Variants in PLA2G2C observed in about 807,000 individuals in gnomAD.
PLA2G2C encodes phospholipase A2 group IIC, also known as putative inactive group IIC secretory phospholipase A2.
A neutral mutation model predicts 14.3 loss-of-function variants in PLA2G2C; 15 were observed. The ratio of observed to expected loss-of-function variants is 1.05; its 90% CI spans 0.70 to 1.62. PLA2G2C has a LOEUF of 1.62. Among genes scored for constraint, PLA2G2C ranks in the 40% most tolerant of loss-of-function variants. The probability of loss-of-function intolerance (pLI) is 0.00; values close to 1 mark genes in which losing one functional copy is unlikely to be tolerated. For missense variants in PLA2G2C, 162 were observed against 173.2 expected (o/e 0.94, Z 0.36); for synonymous variants, 79 against 67.7 (o/e 1.17, Z -0.82).
intron 4 of PLA2G2C, among the ~76,000 whole-genome samples, chr1:20,169,095 T>TG (rs2018027055): frequency 6.6e-6 from 1 of 152,166 alleles, no homozygotes; most frequent in South Asian, 2.1e-4. Flanking sequence ...TCAGAACTCA[T>TG]GGGAGGCTAG....
In PLA2G2C at chr1:20,163,833, C is replaced by A; in HGVS notation, c.*158G>T. 1.2e-6 allele frequency: 1 copy of A among 800,612 alleles called. No homozygotes were observed. The highest frequency in any genetic ancestry group is 1.9e-6 in the Non-Finnish European group (1 of 525,476). 49.6% of individuals were successfully genotyped at this position (800,612 alleles called of 1,614,324 possible). A position where few individuals can be genotyped will look rare whatever the true frequency, so the allele number is the denominator to read the frequency against. On this transcript the variant is annotated 3_prime_UTR_variant, in exon 5 of 5. Transcript: ENST00000679259. ...CTGATGCTGAACGACAGGGAGTCCC[C>A]TTGGTCAGAATGCTGAAGGGTGAGC...
chr1:20,186,048 C>T (rs1417796304), intron 1 of PLA2G2C: 1 of 151,558 alleles, frequency 6.6e-6, no homozygotes, highest in Non-Finnish European at 1.5e-5. Flanking sequence ...TCCGGTCACG[C>T]CGGAAGCACG....
intron 1 of PLA2G2C, among the ~76,000 whole-genome samples, chr1:20,179,521 C>CTGTGTGTG (rs35039220): frequency 8.8e-5 from 12 of 136,514 alleles, no homozygotes; most frequent in African/African-American, 3.1e-4. Context: ...ATGTCAGTTT[C>CTGTGTGTG]TGTGTGTGTG....
chr1:20,164,775 G>A (rs528696071), intron 4 of PLA2G2C, among the ~76,000 whole-genome samples: 21 of 152,318 alleles, frequency 1.4e-4, no homozygotes, highest in African/African-American at 4.6e-4. Context: ...ACTAGGAGCC[G>A]ACCTCGCTGC....
At chr1:20,173,555 T>G (rs2018127137) in intron 3 of PLA2G2C, among the ~76,000 whole-genome samples, 1 of 152,200 alleles carries the variant, frequency 6.6e-6, no homozygotes, top group Non-Finnish European at 1.5e-5. Context: ...CACTTTTTAC[T>G]GAGCACCTAC....
intron 4 of PLA2G2C, among the ~76,000 whole-genome samples, chr1:20,169,665 G>A (rs1188319261): frequency 6.6e-6 from 1 of 152,236 alleles, no homozygotes; most frequent in Non-Finnish European, 1.5e-5. Flanking sequence ...AGCACCTACT[G>A]TAGGCCAGCC....
intron 1 of PLA2G2C, among the ~76,000 whole-genome samples, chr1:20,182,052 G>A (rs188092623): frequency 1.1e-3 from 171 of 152,312 alleles, no homozygotes; most frequent in African/African-American, 4.0e-3. Context: ...TCCTGAAGGT[G>A]AAAATACTTG....
At position 20,163,260 on chromosome 1, in the gene PLA2G2C, C is replaced by T. The variant is rs1463318051; in HGVS notation, c.*731G>A. 3.9e-5 allele frequency: 6 copies of T among 152,264 alleles called. No homozygotes were observed. Among genetic ancestry groups the T allele is most frequent in the African/African-American group, 1.4e-4 (6 of 41,446 alleles). 9.4% of individuals were successfully genotyped at this position (152,264 alleles called of 1,614,324 possible). ...AGGTGGGCTCTCATCCTCCAGCAGG[C>T]TAGCCCAGGCTTTTTTGCAGGGTGG... On this transcript the variant is annotated 3_prime_UTR_variant, in exon 5 of 5. Transcript: ENST00000679259.
chr1:20,186,254 G>C (rs1233081669), intron 1 of PLA2G2C, 106 bp downstream of exon 1: 1 of 152,270 alleles, frequency 6.6e-6, no homozygotes, highest in Non-Finnish European at 1.5e-5. Flanking sequence ...CATCACCCGG[G>C]AGGGCCTCCC....
chr1:20,172,055 G>A (rs1337529139), intron 4 of PLA2G2C, among the ~76,000 whole-genome samples: 2 of 151,934 alleles, frequency 1.3e-5, no homozygotes, highest in Admixed American at 6.6e-5. Context: ...GAGCCACCGC[G>A]CCCGGCCAAG....
Position 20,177,327 on chromosome 1 carries a change from A to T in PLA2G2C, c.37T>A (p.Cys13Ser), listed in dbSNP as rs1268579720. ...ACCCACCAAGCTCTCTACTTACAGC[A>T]GAAGAGGAGGAGGGTGAGGATGGCA... ...VIAILTLLLF[C>S]SPTHSSFWQF... The change falls in exon 2 of 5, where the codon TGC becomes AGC. Residue 13 changes from cysteine to serine, a missense_variant. By Grantham distance (112) the Cys-to-Ser change is moderately radical (BLOSUM62 -1). Coordinates refer to ENST00000679259, the MANE Select transcript of PLA2G2C (RefSeq NM_001367969.2). 1 of 700,880 alleles carries T rather than the reference A, an allele frequency of 1.4e-6. No individual in the cohort carries two copies. The highest frequency in any genetic ancestry group is 2.6e-6 in the Non-Finnish European group (1 of 384,874). The allele number at this position is 700,880 out of a possible 1,614,324, so 43.4% of individuals were successfully genotyped here.
chr1:20,180,890 C>T lies in PLA2G2C; in HGVS notation c.-76-3451G>A, dbSNP rs2018269275. On this transcript the variant is annotated intron_variant, in intron 1 of 4. Coordinates refer to ENST00000679259, the MANE Select transcript of PLA2G2C (RefSeq NM_001367969.2). ...GGGTCCTTTCCTGGACCCATCAATT[C>T]AGCTTTTATCAACAGTAATGAAACA... Among the ~76,000 whole-genome samples, 3 of 152,226 alleles carry T rather than the reference C, an allele frequency of 2.0e-5. No individual in the cohort carries two copies. The South Asian group carries it at 6.2e-4, about 31-fold the overall frequency.
chr1:20,167,655 T>C (rs987166690), intron 4 of PLA2G2C, among the ~76,000 whole-genome samples: 1 of 152,188 alleles, frequency 6.6e-6, no homozygotes, highest in African/African-American at 2.4e-5. Context: ...CAGAGTGATC[T>C]TTCTGGGGCA....
In PLA2G2C at chr1:20,171,985, G is replaced by A. The variant is rs561536422; in HGVS notation, c.283+809C>T. Among the ~76,000 whole-genome samples, 298 of 151,578 alleles carry A rather than the reference G, an allele frequency of 2.0e-3. 1 individual carries two copies. Among genetic ancestry groups the A allele is most frequent in the Non-Finnish European group, 3.3e-3 (222 of 67,860 alleles). On this transcript the variant is annotated intron_variant, in intron 4 of 4. Coordinates refer to ENST00000679259, the MANE Select transcript of PLA2G2C (RefSeq NM_001367969.2). ...TCACCGTGTTAGCCAGGATGGTCTCGATCTCCTGACCTCGTGATCCGCCCG... is the reference window on the plus strand; with the variant it reads ...TCACCGTGTTAGCCAGGATGGTCTCAATCTCCTGACCTCGTGATCCGCCCG...
chr1:20,183,417 G>A (rs2018307683), intron 1 of PLA2G2C, among the ~76,000 whole-genome samples: 1 of 152,194 alleles, frequency 6.6e-6, no homozygotes, highest in Non-Finnish European at 1.5e-5. Context: ...GGGACTCTGG[G>A]GTCCAGGGTG....
At chr1:20,165,127 A>T (rs2017954451) in intron 4 of PLA2G2C, among the ~76,000 whole-genome samples, 1 of 151,930 alleles carries the variant, frequency 6.6e-6, no homozygotes, top group Admixed American at 6.6e-5. Flanking sequence ...CCACTCTCCC[A>T]GCCTCCCTGC....
At chr1:20,174,141 C>T (rs377403867) in intron 3 of PLA2G2C, among the ~76,000 whole-genome samples, 1 of 152,148 alleles carries the variant, frequency 6.6e-6, no homozygotes, top group East Asian at 1.9e-4. Context: ...CGTCAGTTGC[C>T]CTTCCAAGGC....
intron 4 of PLA2G2C, among the ~76,000 whole-genome samples, chr1:20,170,987 C>T (rs2018064333): frequency 7.1e-6 from 1 of 141,554 alleles, no homozygotes; most frequent in African/African-American, 2.7e-5. Flanking sequence ...GGGTCCTGGG[C>T]TGGGAGGGTG....
intron 1 of PLA2G2C, 87 bp downstream of exon 1, chr1:20,186,273 G>C (rs901642757): frequency 1.3e-5 from 2 of 152,266 alleles, no homozygotes; most frequent in African/African-American, 2.4e-5. Flanking sequence ...CCCAGACCCA[G>C]CCCGGGGGAC....
Sources: allele counts gnomAD v4.1 joint callset (sites outside exome capture counted in the v4.1 genomes callset), GRCh38; gene constraint gnomAD v4.1.1; transcripts MANE v1.5; gene names NCBI Gene and HGNC (gene_info 2026-07-23, HGNC 2026-07-21).